THSD7B: variants seen among roughly 807,000 people sequenced by gnomAD.
The protein encoded by THSD7B is thrombospondin type-1 domain-containing protein 7B.
In THSD7B, 138 loss-of-function variants were observed where a neutral mutation model predicts 213.6. That is an observed-to-expected ratio of 0.65 (90% CI 0.56 to 0.74). The LOEUF (loss-of-function observed/expected upper bound fraction) is 0.74. Ranked by LOEUF, THSD7B falls within the 30% of genes least tolerant of loss-of-function variation. THSD7B has a pLI of 0.00. For synonymous variants in THSD7B, 742 were observed against 687.0 expected, an observed-to-expected ratio of 1.08 and a Z score of -1.25; for missense variants, 1,931 against 1,991.5, an observed-to-expected ratio of 0.97 and a Z score of 0.58.
chr2:137,131,034 G>T (rs1006803470), intron 5 of THSD7B, among the ~76,000 whole-genome samples: 1 of 146,916 alleles, frequency 6.8e-6, no homozygotes, highest in African/African-American at 2.5e-5. Flanking sequence ...ATCCTCTCCA[G>T]CACCTGTTGT....
At chr2:137,668,666 C>CCTGA (rs1683498911) in intron 27 of THSD7B, among the ~76,000 whole-genome samples, 1 of 152,096 alleles carries the variant, frequency 6.6e-6, no homozygotes, top group African/African-American at 2.4e-5. Context: ...TCCCCCAAAA[C>CCTGA]CTGACTACTA....
intron 12 of THSD7B, among the ~76,000 whole-genome samples, chr2:137,313,277 C>G (rs953271000): frequency 2.6e-5 from 4 of 152,000 alleles, no homozygotes; most frequent in Admixed American, 6.6e-5. Flanking sequence ...TTCTTTGTCT[C>G]TTTTGATCTT....
chr2:136,848,675 G>A (rs1046227944), intron 1 of THSD7B, among the ~76,000 whole-genome samples: 4 of 152,112 alleles, frequency 2.6e-5, no homozygotes, highest in Admixed American at 2.6e-4. Context: ...TTGCCTAGAA[G>A]TAAATCTGTC....
intron 17 of THSD7B, among the ~76,000 whole-genome samples, chr2:137,606,203 G>C (rs1682173772): frequency 1.3e-5 from 2 of 152,262 alleles, no homozygotes; most frequent in East Asian, 3.9e-4. Flanking sequence ...TAGGCAAAGT[G>C]GCGTAGGAGA....
At chr2:137,039,394 GAC>G (rs1686837582) in intron 2 of THSD7B, among the ~76,000 whole-genome samples, 1 of 152,198 alleles carries the variant, frequency 6.6e-6, no homozygotes, top group South Asian at 2.1e-4. Flanking sequence ...AATGTCTGGA[GAC>G]ATTTTTGATT....
chr2:136,939,255 C>T (rs886476391), intron 2 of THSD7B, among the ~76,000 whole-genome samples: 7 of 151,984 alleles, frequency 4.6e-5, no homozygotes, highest in African/African-American at 1.4e-4. Context: ...AGCACCATTG[C>T]GCTCCTATTG....
chr2:136,985,683 G>A (rs1463507430), intron 2 of THSD7B, among the ~76,000 whole-genome samples: 11 of 152,260 alleles, frequency 7.2e-5, no homozygotes, highest in Admixed American at 3.9e-4. Flanking sequence ...CCCCCACACA[G>A]AGTCCTCAAC....
Position 137,663,233 on chromosome 2 carries a change from T to G in THSD7B, c.4459-150T>G, listed in dbSNP as rs75666095. The G allele has an allele frequency of 9.3e-3, 4,957 of 530,572 alleles. 171 individuals carry two copies. Among genetic ancestry groups the G allele is most frequent in the African/African-American group, 0.086 (4,372 of 51,088 alleles). The allele number at this position is 530,572 out of a possible 1,614,324, so 32.9% of individuals were successfully genotyped here. A position where few individuals can be genotyped will look rare whatever the true frequency, so the allele number is the denominator to read the frequency against. ...GAATTTAAAAAGATGAACTATGTAT[T>G]TGATTTTCATGTCACTGGTAAGTCA... is the stretch of plus-strand genomic sequence containing the variant. On this transcript the variant is annotated intron_variant, in intron 25 of 27. Coordinates refer to ENST00000409968, the MANE Select transcript of THSD7B (RefSeq NM_001316349.2).
chr2:137,352,920 A>C (rs1336450422), intron 12 of THSD7B, among the ~76,000 whole-genome samples: 1 of 151,988 alleles, frequency 6.6e-6, no homozygotes. Flanking sequence ...TATATAATGC[A>C]TTTCTAACAG....
At chr2:136,892,927 C>A (rs1683889151) in intron 2 of THSD7B, among the ~76,000 whole-genome samples, 1 of 152,144 alleles carries the variant, frequency 6.6e-6, no homozygotes, top group Non-Finnish European at 1.5e-5. Flanking sequence ...TTATCTGCCT[C>A]TTCATGTTGC....
At chr2:137,529,820 C>T (rs1486255363) in intron 15 of THSD7B, among the ~76,000 whole-genome samples, 1 of 151,778 alleles carries the variant, frequency 6.6e-6, no homozygotes, top group Admixed American at 6.6e-5. Context: ...TGTAGTGTGA[C>T]CTCTAACTAC....
chr2:137,538,994 C>G (rs1445906539), intron 15 of THSD7B, among the ~76,000 whole-genome samples: 1 of 151,660 alleles, frequency 6.6e-6, no homozygotes, highest in Non-Finnish European at 1.5e-5. Flanking sequence ...AATGGTGTTT[C>G]TCTTTTTCTC....
At chr2:137,050,808 AT>A (rs1687058637) in intron 2 of THSD7B, among the ~76,000 whole-genome samples, 1 of 152,130 alleles carries the variant, frequency 6.6e-6, no homozygotes, top group South Asian at 2.1e-4. Flanking sequence ...TGCAAATGGA[AT>A]TTTTTAATGA....
chr2:137,303,742 A>ATATATATATTTT (rs1231701020), intron 12 of THSD7B, among the ~76,000 whole-genome samples: 3 of 117,566 alleles, frequency 2.6e-5, no homozygotes, highest in Admixed American at 8.1e-5. Context: ...ATATATATTT[A>ATATATATATTTT]TATATATATA....
intron 12 of THSD7B, among the ~76,000 whole-genome samples, chr2:137,288,589 G>A (rs746443223): frequency 2.0e-5 from 3 of 151,948 alleles, no homozygotes; most frequent in Non-Finnish European, 4.4e-5. Context: ...AAAACAATGG[G>A]ACTTAACAGC....
intron 12 of THSD7B, among the ~76,000 whole-genome samples, chr2:137,312,933 G>A (rs1374727660): frequency 6.7e-6 from 1 of 149,938 alleles, no homozygotes; most frequent in Admixed American, 6.6e-5. Context: ...CCAAGTATGT[G>A]GTCAATTTTG....
At chr2:137,187,506 T>C (rs1680572843) in intron 7 of THSD7B, among the ~76,000 whole-genome samples, 1 of 152,212 alleles carries the variant, frequency 6.6e-6, no homozygotes, top group South Asian at 2.1e-4. Context: ...GTTTGTAATC[T>C]TGAATAAATG....
chr2:137,474,637 C>A (rs900900779), intron 15 of THSD7B, among the ~76,000 whole-genome samples: 4 of 152,126 alleles, frequency 2.6e-5, no homozygotes, highest in African/African-American at 9.7e-5. Flanking sequence ...TTTTCATTTG[C>A]CTGAATCAGT....
intron 15 of THSD7B, among the ~76,000 whole-genome samples, chr2:137,546,681 T>G (rs940128091): frequency 4.7e-5 from 7 of 149,296 alleles, no homozygotes; most frequent in Non-Finnish European, 1.0e-4. Flanking sequence ...GAAAGGCTGT[T>G]GTTTGTACAT....
Sources: gnomAD v4.1 joint callset for allele counts (sites outside exome capture counted in the v4.1 genomes callset) on GRCh38, gnomAD v4.1.1 for gene constraint, MANE v1.5 for transcripts, NCBI Gene and HGNC (gene_info 2026-07-23, HGNC 2026-07-21) for gene names.